The following PPARGC1A variants were observed in gnomAD, a reference collection of about 807,000 sequenced individuals.
PPARGC1A encodes the protein peroxisome proliferator-activated receptor gamma coactivator 1-alpha.
Under a neutral mutation model 88.7 loss-of-function variants are expected in PPARGC1A, and 25 were observed. The ratio of observed to expected loss-of-function variants is 0.28; its 90% CI spans 0.21 to 0.39. The LOEUF (loss-of-function observed/expected upper bound fraction) is 0.39, where lower values mean the gene tolerates loss of function less well. Ranked by LOEUF, PPARGC1A falls within the 10% of genes least tolerant of loss-of-function variation. The pLI is 1.00. For missense variants in PPARGC1A, 880 were observed against 968.7 expected, an observed-to-expected ratio of 0.91 and a Z score of 1.22; for synonymous variants, 363 against 355.6, an observed-to-expected ratio of 1.02 and a Z score of -0.24.
the PPARGC1A span, among the ~76,000 whole-genome samples, chr4:24,274,380 C>A: frequency 6.6e-6 from 1 of 152,060 alleles, no homozygotes; most frequent in Non-Finnish European, 1.5e-5. Flanking sequence ...CAGAGGCCAG[C>A]AAACATTTTC....
the PPARGC1A span, among the ~76,000 whole-genome samples, chr4:24,369,500 A>G: frequency 6.6e-6 from 1 of 152,320 alleles, no homozygotes; most frequent in East Asian, 1.9e-4. Flanking sequence ...TCCTTATTAT[A>G]ACCCTATGAA....
the PPARGC1A span, among the ~76,000 whole-genome samples, chr4:24,338,871 G>A: frequency 2.6e-5 from 4 of 151,806 alleles, no homozygotes; most frequent in Admixed American, 2.6e-4. Flanking sequence ...ATGTCTCATT[G>A]TTTACAATCA....
chr4:24,417,907 CA>C, the PPARGC1A span, among the ~76,000 whole-genome samples: 1 of 152,060 alleles, frequency 6.6e-6, no homozygotes, highest in South Asian at 2.1e-4. Flanking sequence ...GGTAAAAGTT[CA>C]AAAACATACT....
chr4:24,169,217 G>A, the PPARGC1A span, among the ~76,000 whole-genome samples: 4,683 of 152,138 alleles, frequency 0.031, 231 homozygotes, highest in African/African-American at 0.11. Context: ...ACAAAATTCC[G>A]GACCAGTCCT....
At chr4:23,906,031 G>A (rs534963059), upstream of PPARGC1A, among the ~76,000 whole-genome samples, 10 of 152,260 alleles carry the variant, frequency 6.6e-5, no homozygotes, top group African/African-American at 2.4e-4. Context: ...GATGAGCACA[G>A]CCAACACATG....
rs144420976 is a variant in PPARGC1A, at chr4:23,799,506, G to A, written c.2293+2224C>T. On this transcript the variant is annotated intron_variant, in intron 12 of 12. Coordinates refer to ENST00000264867, the MANE Select transcript of PPARGC1A (RefSeq NM_013261.5). ...AGTCAGATTTCAATCCCAGGTCTGC[G>A]GGATTCCAAAGCCTGGCCTCTTCAG... is the stretch of plus-strand genomic sequence containing the variant. 6.3e-3 allele frequency among the ~76,000 whole-genome samples: 960 copies of A among 152,316 alleles called. 6 individuals are homozygous for A. The highest frequency in any genetic ancestry group is 0.011 in the Non-Finnish European group (743 of 68,034).
chr4:24,185,879 G>A, the PPARGC1A span, among the ~76,000 whole-genome samples: 15 of 148,516 alleles, frequency 1.0e-4, no homozygotes, highest in African/African-American at 3.2e-4. Context: ...TGCACAATGT[G>A]CACATGTACC....
At chr4:23,846,656 T>C (rs965460317) in intron 2 of PPARGC1A, among the ~76,000 whole-genome samples, 10 of 152,130 alleles carry the variant, frequency 6.6e-5, no homozygotes, top group Admixed American at 1.3e-4. Flanking sequence ...CAAGAATTTT[T>C]TGAGCACCTA....
Position 23,827,858 on chromosome 4 carries a change from G to A in PPARGC1A, c.757+542C>T, listed in dbSNP as rs75783720. Among the ~76,000 whole-genome samples, 1,238 of 152,120 alleles carry A rather than the reference G, an allele frequency of 8.1e-3. 29 individuals carry two copies. The South Asian group carries it at 0.084, about 10-fold the overall frequency. On this transcript the variant is annotated intron_variant, in intron 5 of 12. Transcript: ENST00000264867. ...GGAAGAGGAAGAAGAAGAGGAAGGG[G>A]AGAAAGCAGGAGGTGAAGGAGGAGA...
the PPARGC1A span, among the ~76,000 whole-genome samples, chr4:24,347,036 A>G: frequency 0.98 from 149,880 of 152,304 alleles, 73,797 homozygotes; most frequent in Non-Finnish European, 1. Context: ...TGCTCAGTCC[A>G]GAGTAGGTTA....
chr4:23,959,755 T>G, the PPARGC1A span, among the ~76,000 whole-genome samples: 1 of 152,110 alleles, frequency 6.6e-6, no homozygotes, highest in African/African-American at 2.4e-5. Flanking sequence ...GATCAGTGCT[T>G]CTTTGTCCTT....
At chr4:24,351,405 AAAAG>A in the PPARGC1A span, among the ~76,000 whole-genome samples, 2 of 151,800 alleles carry the variant, frequency 1.3e-5, no homozygotes, top group Admixed American at 6.6e-5. Flanking sequence ...AAAAAAAAAA[AAAAG>A]AAAAGAAAAA....
chr4:24,263,837 C>A, the PPARGC1A span, among the ~76,000 whole-genome samples: 28 of 152,274 alleles, frequency 1.8e-4, no homozygotes, highest in African/African-American at 6.5e-4. Context: ...GCAGCCTCGA[C>A]CTCCAGGAAT....
chr4:24,133,420 T>C, the PPARGC1A span, among the ~76,000 whole-genome samples: 1 of 152,322 alleles, frequency 6.6e-6, no homozygotes, highest in East Asian at 1.9e-4. Flanking sequence ...ATATTTACAC[T>C]ACAGAAATAA....
the PPARGC1A span, among the ~76,000 whole-genome samples, chr4:24,140,107 G>A: frequency 3.9e-4 from 59 of 152,268 alleles, no homozygotes; most frequent in Non-Finnish European, 7.5e-4. Flanking sequence ...GCCAAAACCC[G>A]CCTTTGATGT....
chr4:23,951,420 C>A, the PPARGC1A span, among the ~76,000 whole-genome samples: 1 of 152,074 alleles, frequency 6.6e-6, no homozygotes, highest in Non-Finnish European at 1.5e-5. Context: ...GTATGAGAAA[C>A]AACTCACCCA....
At chr4:23,901,089 C>T (rs75652586), upstream of PPARGC1A, among the ~76,000 whole-genome samples, 7,898 of 151,952 alleles carry the variant, frequency 0.052, 546 homozygotes, top group East Asian at 0.36. Context: ...GCCAGGAGGC[C>T]GGGCACGGTG....
chr4:24,093,801 C>T, the PPARGC1A span, among the ~76,000 whole-genome samples: 1 of 152,166 alleles, frequency 6.6e-6, no homozygotes, highest in Non-Finnish European at 1.5e-5. Context: ...TTATCAGCTC[C>T]ATTATTTTCT....
the PPARGC1A span, among the ~76,000 whole-genome samples, chr4:23,913,263 TATATAGAGAGAGAG>T: frequency 6.6e-3 from 371 of 56,032 alleles, 1 homozygote; most frequent in African/African-American, 0.019. Context: ...TATATATATA[TATATAGAGAGAGAG>T]AGAGAGAGAG....
Sources: gnomAD v4.1 joint callset for allele counts (sites outside exome capture counted in the v4.1 genomes callset) on GRCh38, gnomAD v4.1.1 for gene constraint, MANE v1.5 for transcripts, NCBI Gene and HGNC (gene_info 2026-07-23, HGNC 2026-07-21) for gene names.